The following RSU1 variants were observed in gnomAD, a reference collection of about 807,000 sequenced individuals.
The protein encoded by RSU1 is Ras suppressor protein 1.
In RSU1, 26 loss-of-function variants were observed where a neutral mutation model predicts 31.1. The ratio of observed to expected loss-of-function variants is 0.84; its 90% CI spans 0.61 to 1.16. RSU1 has a LOEUF of 1.16. RSU1 is among the 50% of genes most tolerant of loss of function. The probability of loss-of-function intolerance (pLI) is 0.00; values close to 1 mark genes in which losing one functional copy is unlikely to be tolerated. For missense variants in RSU1, 320 were observed against 339.1 expected, an observed-to-expected ratio of 0.94 and a Z score of 0.44; for synonymous variants, 164 against 136.3, an observed-to-expected ratio of 1.20 and a Z score of -1.41.
chr10:16,625,262 C>T (rs926143958), intron 8 of RSU1, among the ~76,000 whole-genome samples: 1 of 152,146 alleles, frequency 6.6e-6, no homozygotes, highest in African/African-American at 2.4e-5. Context: ...CTCTCCCAGT[C>T]ACCAACTGGG....
intron 8 of RSU1, among the ~76,000 whole-genome samples, chr10:16,678,820 C>A (rs1835276770): frequency 6.6e-6 from 1 of 152,070 alleles, no homozygotes; most frequent in Non-Finnish European, 1.5e-5. Context: ...TAGTTTATTG[C>A]CTATCCTTCA....
chr10:16,644,105 T>TG (rs35016756), intron 8 of RSU1, among the ~76,000 whole-genome samples: 2,213 of 144,448 alleles, frequency 0.015, 31 homozygotes, highest in African/African-American at 0.039. Context: ...CAGAGGGTGG[T>TG]GGGGGGGGGT....
intron 3 of RSU1, among the ~76,000 whole-genome samples, chr10:16,769,752 C>G (rs749153118): frequency 1.8e-4 from 28 of 152,146 alleles, no homozygotes; most frequent in Admixed American, 1.5e-3. Flanking sequence ...TTACCCCATG[C>G]GATAATGCGA....
intron 4 of RSU1, among the ~76,000 whole-genome samples, chr10:16,758,934 G>C (rs1194258648): frequency 6.6e-6 from 1 of 152,102 alleles, no homozygotes; most frequent in East Asian, 1.9e-4. Context: ...TGTTTGCATG[G>C]GAAGATTTTT....
intron 8 of RSU1, among the ~76,000 whole-genome samples, chr10:16,607,112 G>A (rs970597062): frequency 3.5e-4 from 53 of 152,272 alleles, no homozygotes; most frequent in African/African-American, 1.1e-3. Context: ...TGCTGTTCTC[G>A]TGATAGTGAG....
chr10:16,746,339 G>A (rs1444621049), intron 7 of RSU1, among the ~76,000 whole-genome samples: 2 of 152,158 alleles, frequency 1.3e-5, no homozygotes, highest in Non-Finnish European at 2.9e-5. Context: ...GCAAATTAAG[G>A]TTTTGATGTC....
chr10:16,661,955 T>C (rs563335173), intron 8 of RSU1, among the ~76,000 whole-genome samples: 2 of 152,380 alleles, frequency 1.3e-5, no homozygotes, highest in African/African-American at 4.8e-5. Context: ...TCATTCTGCA[T>C]CTAGTCTACC....
Position 16,664,990 on chromosome 10 carries a change from C to T in RSU1, c.731+30033G>A, listed in dbSNP as rs537439563. Among the ~76,000 whole-genome samples, 3 of 152,224 alleles carry T rather than the reference C, an allele frequency of 2.0e-5. No individual in the cohort carries two copies. In the South Asian group the frequency reaches 6.2e-4, roughly 32 times the overall value. On this transcript the variant is annotated intron_variant, in intron 8 of 8. Coordinates refer to ENST00000345264, the MANE Select transcript of RSU1 (RefSeq NM_012425.4). ...ACAGATTCTCACTCTGTCGCCCAGGCTGGAATGCAGTGGCACGATCTCAGT... is the reference window on the plus strand; with the variant it reads ...ACAGATTCTCACTCTGTCGCCCAGGTTGGAATGCAGTGGCACGATCTCAGT...
chr10:16,645,417 A>ATT (rs1353621868), intron 8 of RSU1, among the ~76,000 whole-genome samples: 2 of 151,822 alleles, frequency 1.3e-5, no homozygotes, highest in Non-Finnish European at 2.9e-5. Flanking sequence ...AAATCCAAAC[A>ATT]TTTCATTGGA....
intron 7 of RSU1, among the ~76,000 whole-genome samples, chr10:16,709,326 C>A (rs892680162): frequency 3.3e-5 from 5 of 152,170 alleles, no homozygotes; most frequent in Non-Finnish European, 7.3e-5. Context: ...GACATGAACT[C>A]ATCATTTTTT....
chr10:16,733,847 A>G (rs1016257595), intron 7 of RSU1, among the ~76,000 whole-genome samples: 1 of 152,218 alleles, frequency 6.6e-6, no homozygotes, highest in Non-Finnish European at 1.5e-5. Flanking sequence ...AGTCTCCAAG[A>G]TGTTATAAAG....
chr10:16,789,077 T>A (rs183777876), intron 2 of RSU1, among the ~76,000 whole-genome samples: 2 of 152,330 alleles, frequency 1.3e-5, no homozygotes, highest in Admixed American at 6.5e-5. Flanking sequence ...CTCAAAAAAG[T>A]GCAAAGTTCA....
chr10:16,664,633 A>C (rs1183058335), intron 8 of RSU1, among the ~76,000 whole-genome samples: 1 of 152,174 alleles, frequency 6.6e-6, no homozygotes, highest in Non-Finnish European at 1.5e-5. Flanking sequence ...ACCTATGGGA[A>C]CTACACTTTT....
At chr10:16,802,213 C>G (rs76077908) in intron 2 of RSU1, among the ~76,000 whole-genome samples, 1 of 147,144 alleles carries the variant, frequency 6.8e-6, no homozygotes, top group Non-Finnish European at 1.5e-5. Flanking sequence ...AAAGAACGAA[C>G]AAATTACAAA....
intron 2 of RSU1, among the ~76,000 whole-genome samples, chr10:16,786,281 T>C (rs968495183): frequency 5.3e-5 from 8 of 152,248 alleles, no homozygotes; most frequent in Admixed American, 3.9e-4. Flanking sequence ...CGGGTTATAA[T>C]CTATCATTAT....
intron 8 of RSU1, among the ~76,000 whole-genome samples, chr10:16,620,113 A>G (rs950459960): frequency 6.6e-6 from 1 of 152,188 alleles, no homozygotes; most frequent in African/African-American, 2.4e-5. Context: ...CTGCTTTATC[A>G]GAATAGCAAT....
chr10:16,711,160 C>T (rs1424150948), intron 7 of RSU1, among the ~76,000 whole-genome samples: 1 of 152,046 alleles, frequency 6.6e-6, no homozygotes, highest in Non-Finnish European at 1.5e-5. Context: ...TGTCCAAGAA[C>T]TTATCTATTT....
At chr10:16,747,071 T>A (rs1449045400) in intron 7 of RSU1, among the ~76,000 whole-genome samples, 5 of 152,052 alleles carry the variant, frequency 3.3e-5, no homozygotes, top group East Asian at 3.9e-4. Flanking sequence ...ACCACACAGC[T>A]CCAGCAATGG....
intron 8 of RSU1, among the ~76,000 whole-genome samples, chr10:16,683,677 A>G (rs1835379961): frequency 6.6e-6 from 1 of 152,242 alleles, no homozygotes; most frequent in African/African-American, 2.4e-5. Context: ...TGAGCTAAAT[A>G]TGAGTGACCA....
Sources: allele counts gnomAD v4.1 joint callset (sites outside exome capture counted in the v4.1 genomes callset), GRCh38; gene constraint gnomAD v4.1.1; transcripts MANE v1.5; gene names NCBI Gene and HGNC (gene_info 2026-07-23, HGNC 2026-07-21).